PAM16: variants seen among roughly 807,000 people sequenced by gnomAD.
PAM16 encodes presequence translocase associated motor 16, also known as mitochondrial import inner membrane translocase subunit TIM16.
PAM16 carries 11 observed loss-of-function variants against 17.9 expected under a neutral mutation model. That is an observed-to-expected ratio of 0.62 (90% CI 0.39 to 1.02). PAM16 has a LOEUF of 1.02. Among genes scored for constraint, PAM16 ranks in the 50% least tolerant of loss-of-function variants. PAM16 has a pLI of 0.01. For missense variants in PAM16, 199 were observed against 165.4 expected (o/e 1.20, Z -1.11); for synonymous variants, 72 against 67.4 (o/e 1.07, Z -0.34).
chr16:4,340,895 C>T (rs113338335), intron 4 of PAM16, 25 bp downstream of exon 4: 19 of 1,613,198 alleles, frequency 1.2e-5, no homozygotes, highest in Non-Finnish European at 1.6e-5. Context: ...TGACTTCATT[C>T]CTCCCAGAAT....
At position 4,346,430 on chromosome 16, in the gene PAM16, C is replaced by G. The variant is rs369791462; in HGVS notation, c.4-3139G>C. ...CAGGTGCTCAATAAACATTGGTTTT[C>G]ATTCATTACTACTGTTTCACAAAAT... On this transcript the variant is annotated intron_variant, in intron 1 of 4. Transcript: ENST00000318059. Among the ~76,000 whole-genome samples the G allele has an allele frequency of 3.9e-5, 6 of 152,336 alleles. 1 individual carries two copies. Among genetic ancestry groups the G allele is most frequent in the African/African-American group, 1.4e-4 (6 of 41,576 alleles).
intron 1 of PAM16, among the ~76,000 whole-genome samples, chr16:4,349,741 G>A (rs1402059112): frequency 1.3e-5 from 2 of 152,094 alleles, no homozygotes; most frequent in Admixed American, 1.3e-4. Context: ...CATCCTAGCC[G>A]GGGCGACAGA....
intron 1 of PAM16, among the ~76,000 whole-genome samples, chr16:4,346,488 G>C (rs1184673975): frequency 6.6e-6 from 1 of 152,148 alleles, no homozygotes. Flanking sequence ...AAGTAACAAA[G>C]CTTCTTTCAA....
chr16:4,346,191 G>T (rs970561194), intron 1 of PAM16, among the ~76,000 whole-genome samples: 1 of 152,206 alleles, frequency 6.6e-6, no homozygotes, highest in Non-Finnish European at 1.5e-5. Flanking sequence ...GGCCAGCAAG[G>T]TTCCTATAGG....
chr16:4,347,013 C>T (rs922425825), intron 1 of PAM16: 3 of 152,146 alleles, frequency 2.0e-5, no homozygotes, highest in African/African-American at 7.2e-5. Context: ...GACACCACAC[C>T]TGGCCTTTTT....
At chr16:4,348,561 T>C (rs1413359949) in intron 1 of PAM16, 1 of 152,470 alleles carries the variant, frequency 6.6e-6, no homozygotes, top group African/African-American at 2.4e-5. Flanking sequence ...TCTACCCTGA[T>C]CCTGTCAAAA....
intron 1 of PAM16, chr16:4,345,680 A>T (rs895921788): frequency 1.8e-5 from 3 of 171,418 alleles, no homozygotes; most frequent in African/African-American, 7.2e-5. Context: ...CACAGCAGAA[A>T]GAGCCCAGAG....
Position 4,340,308 on chromosome 16 carries a change from G to T in PAM16, c.*11C>A. The T allele has an allele frequency of 6.2e-7, 1 of 1,605,824 alleles. No individual in the cohort carries two copies. On this transcript the variant is annotated 3_prime_UTR_variant, in exon 5 of 5. Coordinates refer to ENST00000318059, the MANE Select transcript of PAM16 (RefSeq NM_016069.11). The stretch of plus-strand genomic sequence containing the variant: ...TTAGAGGCGGCGGGGTGGGCGGGGG[G>T]AGCCGAGCAGTCACGTATGGGGCAT...
At chr16:4,341,616 C>A in intron 2 of PAM16, 112 bp from the exon 3 acceptor site, 1 of 1,462,980 alleles carries the variant, frequency 6.8e-7, no homozygotes, top group Non-Finnish European at 9.1e-7. Flanking sequence ...GACACAGGGA[C>A]AGGTGGCTAG....
chr16:4,341,056 G>T, intron 3 of PAM16, 71 bp from the exon 4 acceptor site: 2 of 1,583,660 alleles, frequency 1.3e-6, no homozygotes, highest in African/African-American at 2.7e-5. Flanking sequence ...GCTATGTGGG[G>T]CCACGTGAGA....
Position 4,343,272 on chromosome 16 carries a change from A to G in PAM16, c.23T>C (p.Ile8Thr). Residue 8 changes from isoleucine to threonine, a missense_variant, in exon 2 of 5, where the codon ATC becomes ACC. By Grantham distance (89) the Ile-to-Thr change is moderately conservative (BLOSUM62 -1). Transcript: ENST00000318059. ...CACCACCTGCACGCCCATCACAATG[A>G]TCTGGGCCAGGTACTTGGCCTGTGG... MAKYLAQ[I>T]IVMGVQVVGR... The G allele has an allele frequency of 6.2e-7, 1 of 1,612,288 alleles. No homozygotes were observed. Among genetic ancestry groups the G allele is most frequent in the Non-Finnish European group, 8.5e-7 (1 of 1,179,722 alleles).
At chr16:4,349,118 G>A (rs1399962431) in intron 1 of PAM16, among the ~76,000 whole-genome samples, 1 of 151,948 alleles carries the variant, frequency 6.6e-6, no homozygotes, top group Admixed American at 6.6e-5. Context: ...ACCACACCCG[G>A]CTAATTTTTT....
At chr16:4,344,989 C>T (rs1430243742) in intron 1 of PAM16, among the ~76,000 whole-genome samples, 2 of 151,976 alleles carry the variant, frequency 1.3e-5, no homozygotes, top group African/African-American at 2.4e-5. Flanking sequence ...GGAGTTCCTG[C>T]GAGCAGCCAA....
Position 4,351,231 on chromosome 16 carries a change from C to G in PAM16, c.3+1G>C. ...CCGGTAGCGCCCGACTCGGGGCTCA[C>G]CATGGCAGCCGCTCTGCCTCCGGGG... On this transcript the variant is annotated splice_donor_variant, in intron 1 of 4. Coordinates refer to ENST00000318059, the MANE Select transcript of PAM16 (RefSeq NM_016069.11). LOFTEE classifies it high-confidence loss of function. 6.9e-7 allele frequency: 1 copy of G among 1,457,956 alleles called. No homozygotes were observed. The highest frequency in any genetic ancestry group is 9.1e-7 in the Non-Finnish European group (1 of 1,098,858). The allele number at this position is 1,457,956 out of a possible 1,614,324, so 90.3% of individuals were successfully genotyped here. A position where few individuals can be genotyped will look rare whatever the true frequency, so the allele number is the denominator to read the frequency against.
chr16:4,342,359 AAAG>A (rs1309710067), intron 2 of PAM16, among the ~76,000 whole-genome samples: 3 of 136,172 alleles, frequency 2.2e-5, no homozygotes, highest in African/African-American at 8.4e-5. Context: ...CTCCGTCTCA[AAAG>A]AAAACAAAAG....
intron 1 of PAM16, chr16:4,345,999 G>T (rs1002044335): frequency 1.0e-6 from 1 of 984,304 alleles, no homozygotes; most frequent in East Asian, 1.1e-4. Context: ...TTCTGCCAAG[G>T]CCAATGACTG....
intron 3 of PAM16, 110 bp from the exon 4 acceptor site, chr16:4,341,095 G>A (rs2053638659): frequency 5.7e-6 from 8 of 1,402,096 alleles, no homozygotes; most frequent in South Asian, 4.7e-5. Context: ...TCCACCCTGT[G>A]TGCCACACCC....
intron 1 of PAM16, 95 bp downstream of exon 1, chr16:4,351,137 G>A (rs1452736436): frequency 1.5e-6 from 1 of 654,240 alleles, no homozygotes; most frequent in Non-Finnish European, 2.2e-6. Flanking sequence ...GGGGGCGCAC[G>A]GCGCCCGCCG....
chr16:4,341,633 C>T (rs1437492362), intron 2 of PAM16, 129 bp from the exon 3 acceptor site: 1 of 1,426,618 alleles, frequency 7.0e-7, no homozygotes, highest in Non-Finnish European at 9.3e-7. Context: ...CTAGGAGCTG[C>T]CTCTTCTCCA....
Sources: gnomAD v4.1 joint callset for allele counts (sites outside exome capture counted in the v4.1 genomes callset) on GRCh38, gnomAD v4.1.1 for gene constraint, MANE v1.5 for transcripts, NCBI Gene and HGNC (gene_info 2026-07-23, HGNC 2026-07-21) for gene names.